SLC30A9: variants seen among roughly 807,000 people sequenced by gnomAD.
SLC30A9 encodes the protein proton-coupled zinc antiporter SLC30A9, mitochondrial.
In SLC30A9, 58 loss-of-function variants were observed where a neutral mutation model predicts 87.5. The observed-to-expected ratio is 0.66, with a 90% CI of 0.54 to 0.82. The LOEUF is 0.82. Among genes scored for constraint, SLC30A9 ranks in the 40% least tolerant of loss-of-function variants. The probability of loss-of-function intolerance (pLI) is 0.00; values close to 1 mark genes in which losing one functional copy is unlikely to be tolerated. For missense variants in SLC30A9, 557 were observed against 679.1 expected (o/e 0.82, Z 2.00); for synonymous variants, 234 against 233.0 (o/e 1.00, Z -0.04).
At chr4:42,016,795 GTCTA>G (rs34586662) in intron 2 of SLC30A9, among the ~76,000 whole-genome samples, 3,390 of 151,640 alleles carry the variant, frequency 0.022, 48 homozygotes, top group Non-Finnish European at 0.026. Context: ...ATATAACATG[GTCTA>G]TCTATCTATC....
At chr4:42,005,060 C>G (rs1040080047) in intron 2 of SLC30A9, among the ~76,000 whole-genome samples, 1 of 152,068 alleles carries the variant, frequency 6.6e-6, no homozygotes, top group African/African-American at 2.4e-5. Context: ...TTAAACATAG[C>G]TATTTTATAT....
At chr4:42,035,200 A>C in intron 6 of SLC30A9, 75 bp from the exon 7 acceptor site, 4 of 1,432,360 alleles carry the variant, frequency 2.8e-6, no homozygotes, top group East Asian at 2.3e-5. Flanking sequence ...ATAGTCCTGA[A>C]GAGAATATCA....
intron 6 of SLC30A9, among the ~76,000 whole-genome samples, chr4:42,034,467 T>C (rs1716595672): frequency 6.6e-6 from 1 of 150,384 alleles, no homozygotes. Context: ...CCATTCTGCT[T>C]TTTGTTTCTA....
rs1209331586 is a variant in SLC30A9, at chr4:42,001,754, T to A, written c.248T>A (p.Val83Glu). ...GGACAGGGATCACAAACACTCAGAG[T>A]GGAAAAAGTACCATCATTTGAAACA... Reference protein sequence around the residue: ...KEGQGSQTLRVEKVPSFETAE... With the variant: ...KEGQGSQTLREEKVPSFETAE... The change falls in exon 2 of 18, where the codon GTG becomes GAG. Residue 83 changes from valine to glutamate, a missense_variant. By Grantham distance (121) the Val-to-Glu change is moderately radical. Coordinates refer to ENST00000264451, the MANE Select transcript of SLC30A9 (RefSeq NM_006345.4). 8 of 1,609,272 alleles carry A rather than the reference T, an allele frequency of 5.0e-6. No individual in the cohort carries two copies. The highest frequency in any genetic ancestry group is 1.7e-5 in the Admixed American group (1 of 58,882).
intron 15 of SLC30A9, among the ~76,000 whole-genome samples, chr4:42,071,616 A>G (rs1347812415): frequency 2.0e-5 from 3 of 151,480 alleles, no homozygotes; most frequent in African/African-American, 4.9e-5. Flanking sequence ...TGCAATGATC[A>G]TGTCTGTGAA....
intron 11 of SLC30A9, 77 bp downstream of exon 11, chr4:42,063,198 T>C: frequency 7.4e-7 from 1 of 1,353,632 alleles, no homozygotes; most frequent in South Asian, 1.3e-5. Flanking sequence ...CTTTGTCATA[T>C]TGGTGTTAAA....
Position 42,007,432 on chromosome 4 carries a change from A to G in SLC30A9, c.274+5652A>G, listed in dbSNP as rs143574956. ...AGGCAGTTGGTTATCCAGTGAATCT[A>G]CTAGTCACTGCATCGTCTGTTAAAA... is the stretch of plus-strand genomic sequence containing the variant. On this transcript the variant is annotated intron_variant, in intron 2 of 17. Transcript: ENST00000264451. Among the ~76,000 whole-genome samples, 638 of 152,278 alleles carry G rather than the reference A, an allele frequency of 4.2e-3. 5 individuals carry two copies. The highest frequency in any genetic ancestry group is 0.014 in the African/African-American group (593 of 41,544).
At chr4:42,018,086 A>C in intron 2 of SLC30A9, 25 bp from the exon 3 acceptor site, 1 of 1,360,554 alleles carries the variant, frequency 7.3e-7, no homozygotes, top group Non-Finnish European at 1.0e-6. Flanking sequence ...TGTTTAATGT[A>C]AACTTCTTTT....
chr4:42,029,526 C>T (rs1337959053), intron 6 of SLC30A9: 6 of 675,916 alleles, frequency 8.9e-6, no homozygotes, highest in East Asian at 7.9e-5. Flanking sequence ...ATGTGCTGAA[C>T]GTAGTTAGGT....
Position 41,990,713 on chromosome 4 carries a change from T to C in SLC30A9, c.62T>C (p.Leu21Pro), listed in dbSNP as rs1376843605. The C allele has an allele frequency of 6.2e-7, 1 of 1,612,114 alleles. No homozygotes were observed. Among genetic ancestry groups the C allele is most frequent in the Non-Finnish European group, 8.5e-7 (1 of 1,179,424 alleles). Residue 21 changes from leucine (L) to proline (P), a missense_variant, in exon 1 of 18, where the codon CTC becomes CCC. This residue lies in a region of SLC30A9 where 467 missense variants were observed against 529.8 expected (regional missense o/e 0.88). Transcript: ENST00000264451. ...TGTAGCTGGTCCTCCCTGTGCCGGC[T>C]CCGTCTGCGATGCAGGGCGGCGGCC... ...HRCSWSSLCR[L>P]RLRCRAAACN...
chr4:41,994,315 A>G (rs895873272), intron 1 of SLC30A9, among the ~76,000 whole-genome samples: 10 of 152,294 alleles, frequency 6.6e-5, no homozygotes, highest in African/African-American at 2.2e-4. Context: ...CAAATGATCT[A>G]CAGTACACAT....
chr4:42,031,254 G>T lies in SLC30A9; in HGVS notation c.611-4021G>T, dbSNP rs1021329401. ...CAAGTTAAAACAATGGACAATAAAA[G>T]AATGAATACATGAAAAAAAAAAAAC... On this transcript the variant is annotated intron_variant, in intron 6 of 17. Coordinates refer to ENST00000264451, the MANE Select transcript of SLC30A9 (RefSeq NM_006345.4). Among the ~76,000 whole-genome samples, 7 of 149,640 alleles carry T rather than the reference G, an allele frequency of 4.7e-5. No homozygotes were observed. The South Asian group carries it at 6.3e-4, about 13-fold the overall frequency.
chr4:42,038,942 G>A, intron 7 of SLC30A9, 44 bp from the exon 8 acceptor site: 2 of 1,472,822 alleles, frequency 1.4e-6, no homozygotes, highest in Non-Finnish European at 1.9e-6. Context: ...GTGCTTCTCT[G>A]CAAAATTTTG....
intron 9 of SLC30A9, among the ~76,000 whole-genome samples, chr4:42,059,225 A>G (rs1026535019): frequency 6.6e-6 from 1 of 152,178 alleles, no homozygotes; most frequent in African/African-American, 2.4e-5. Flanking sequence ...AAAAAGGAAA[A>G]GCCTCAGATT....
chr4:42,038,215 A>C (rs1358054127), intron 7 of SLC30A9, among the ~76,000 whole-genome samples: 3 of 152,082 alleles, frequency 2.0e-5, no homozygotes, highest in Non-Finnish European at 4.4e-5. Context: ...AGTTTCTACC[A>C]ACACATCTTC....
chr4:42,036,581 G>A (rs937070405), intron 7 of SLC30A9, among the ~76,000 whole-genome samples: 3 of 152,144 alleles, frequency 2.0e-5, no homozygotes, highest in African/African-American at 7.2e-5. Flanking sequence ...GTCATATTTG[G>A]ATAAAAGGCT....
intron 2 of SLC30A9, among the ~76,000 whole-genome samples, chr4:42,003,541 T>G (rs183867541): frequency 6.6e-6 from 1 of 152,288 alleles, no homozygotes; most frequent in East Asian, 1.9e-4. Context: ...TCTATCATTG[T>G]GCAGCTACTG....
chr4:42,080,405 G>C (rs956617624), intron 17 of SLC30A9, among the ~76,000 whole-genome samples: 1 of 152,206 alleles, frequency 6.6e-6, no homozygotes, highest in Non-Finnish European at 1.5e-5. Flanking sequence ...GAAGTGCATA[G>C]GGCAGGGTCC....
intron 7 of SLC30A9, among the ~76,000 whole-genome samples, chr4:42,036,256 A>C (rs1350962757): frequency 6.6e-6 from 1 of 152,176 alleles, no homozygotes. Flanking sequence ...GTGTAATTTC[A>C]TAAAAGTACC....
Sources: allele counts gnomAD v4.1 joint callset (sites outside exome capture counted in the v4.1 genomes callset), GRCh38; gene constraint gnomAD v4.1.1; regional missense constraint gnomAD v4.1.1; transcripts MANE v1.5; gene names NCBI Gene and HGNC (gene_info 2026-07-23, HGNC 2026-07-21).